The following SPRED1 variants were observed in gnomAD, a reference collection of about 807,000 sequenced individuals.
SPRED1 encodes sprouty related EVH1 domain containing 1, also known as sprouty-related, EVH1 domain-containing protein 1.
A neutral mutation model predicts 52.3 loss-of-function variants in SPRED1; 18 were observed. That is an observed-to-expected ratio of 0.34 (90% CI 0.24 to 0.51). The LOEUF (loss-of-function observed/expected upper bound fraction) is 0.51. SPRED1 is among the 20% of genes least tolerant of loss of function. The pLI, the probability that SPRED1 is intolerant of heterozygous loss-of-function variation, is 0.97. For synonymous variants in SPRED1, 155 were observed against 179.7 expected, an observed-to-expected ratio of 0.86 and a Z score of 1.10; for missense variants, 485 against 551.0, an observed-to-expected ratio of 0.88 and a Z score of 1.20.
At chr15:38,293,643 A>G (rs1894969929) in intron 1 of SPRED1, among the ~76,000 whole-genome samples, 2 of 152,126 alleles carry the variant, frequency 1.3e-5, no homozygotes, top group Admixed American at 1.3e-4. Flanking sequence ...ACAAATCAGA[A>G]CATTCTGCTT....
At chr15:38,289,600 G>A (rs932675012) in intron 1 of SPRED1, among the ~76,000 whole-genome samples, 57 of 152,120 alleles carry the variant, frequency 3.7e-4, no homozygotes, top group African/African-American at 1.4e-3. Flanking sequence ...AATCACATGA[G>A]CACTTCAGTG....
intron 2 of SPRED1, among the ~76,000 whole-genome samples, chr15:38,308,132 A>G (rs1804401854): frequency 6.6e-6 from 1 of 152,188 alleles, no homozygotes; most frequent in Non-Finnish European, 1.5e-5. Context: ...TCCCCAGACT[A>G]GAATTTGATA....
intron 1 of SPRED1, among the ~76,000 whole-genome samples, chr15:38,277,002 T>C (rs1894569590): frequency 1.3e-5 from 2 of 152,216 alleles, no homozygotes; most frequent in Non-Finnish European, 2.9e-5. Flanking sequence ...GCATTTCTTT[T>C]CTGGGTCATC....
In SPRED1 at chr15:38,290,014, T is replaced by C. The variant is rs543251410; in HGVS notation, c.33-9359T>C. Among the ~76,000 whole-genome samples the C allele has an allele frequency of 1.2e-3, 186 of 152,356 alleles. 3 individuals carry two copies. The South Asian group carries it at 0.036, about 30-fold the overall frequency. ...TCATGGTGTTTTTACCATGCAGGAATGTGTTTAATATAGTTGAATTTATCC... is the reference window on the plus strand; with the variant it reads ...TCATGGTGTTTTTACCATGCAGGAACGTGTTTAATATAGTTGAATTTATCC... On this transcript the variant is annotated intron_variant, in intron 1 of 6. Transcript: ENST00000299084.
At chr15:38,275,201 A>G (rs1436089520) in intron 1 of SPRED1, among the ~76,000 whole-genome samples, 2 of 152,198 alleles carry the variant, frequency 1.3e-5, no homozygotes, top group East Asian at 1.9e-4. Flanking sequence ...TTTAAGTATT[A>G]GTATCAATTA....
chr15:38,257,085 A>G (rs1894112847), intron 1 of SPRED1, among the ~76,000 whole-genome samples: 1 of 152,146 alleles, frequency 6.6e-6, no homozygotes, highest in South Asian at 2.1e-4. Context: ...CCATACCTAG[A>G]ATTCCTCTCC....
chr15:38,343,030 G>A (rs1382760854), intron 5 of SPRED1, among the ~76,000 whole-genome samples: 1 of 152,112 alleles, frequency 6.6e-6, no homozygotes, highest in Non-Finnish European at 1.5e-5. Context: ...AGTTAAGAAA[G>A]AGCGGTCACA....
chr15:38,342,096 G>T (rs1896043763), intron 5 of SPRED1, among the ~76,000 whole-genome samples: 1 of 140,554 alleles, frequency 7.1e-6, no homozygotes, highest in Admixed American at 7.4e-5. Context: ...TTTACTTTTA[G>T]CACAATTATT....
rs756643495 is a variant in SPRED1 at position 38,349,433 on chromosome 15, T to C, written c.594T>C (p.Gly198=). 15 of 1,611,542 alleles carry C rather than the reference T, an allele frequency of 9.3e-6. No individual in the cohort carries two copies. The African/African-American group carries it at 1.3e-4, about 14-fold the overall frequency. ...MQSQANQITF[G]QPGLDIQSRS... ...TGTTTGTATTTTAGATAACATTTGG[T>C]CAGCCAGGCTTGGACATTCAGAGCA... The change falls in exon 6 of 7, where the codon GGT becomes GGC. Residue 198 remains glycine, a synonymous_variant. Coordinates refer to ENST00000299084, the MANE Select transcript of SPRED1 (RefSeq NM_152594.3).
At chr15:38,344,349 G>A (rs533296378) in intron 5 of SPRED1, among the ~76,000 whole-genome samples, 1 of 152,108 alleles carries the variant, frequency 6.6e-6, no homozygotes, top group South Asian at 2.1e-4. Context: ...GAATTTATTT[G>A]GCCTACCTTC....
At chr15:38,344,498 G>A (rs922526006) in intron 5 of SPRED1, among the ~76,000 whole-genome samples, 4 of 152,272 alleles carry the variant, frequency 2.6e-5, no homozygotes, top group African/African-American at 9.6e-5. Context: ...AGTACAAAAA[G>A]TGCTGAATAA....
chr15:38,285,512 A>G (rs1468311155), intron 1 of SPRED1, among the ~76,000 whole-genome samples: 14 of 152,196 alleles, frequency 9.2e-5, no homozygotes, highest in African/African-American at 4.8e-5. Context: ...GGTGAGCACA[A>G]TAAGAGTAAA....
chr15:38,311,152 C>G (rs1026363957), intron 2 of SPRED1, among the ~76,000 whole-genome samples: 2 of 152,044 alleles, frequency 1.3e-5, no homozygotes, highest in Non-Finnish European at 2.9e-5. Flanking sequence ...TGTATCATGA[C>G]TAGATATTGG....
At chr15:38,349,313 T>C (rs1446367584) in intron 5 of SPRED1, 109 bp from the exon 6 acceptor site, 5 of 815,124 alleles carry the variant, frequency 6.1e-6, no homozygotes, top group Non-Finnish European at 1.0e-5. Context: ...AAAACCGTTT[T>C]TGAAAAACTT....
chr15:38,307,272 A>G (rs1053024641), intron 2 of SPRED1, among the ~76,000 whole-genome samples: 1 of 152,082 alleles, frequency 6.6e-6, no homozygotes, highest in Non-Finnish European at 1.5e-5. Flanking sequence ...GACTTCCTGT[A>G]TTAGTTTCCT....
chr15:38,356,024 A>G lies in SPRED1; in HGVS notation c.*4360A>G, dbSNP rs1186110993. On this transcript the variant is annotated 3_prime_UTR_variant, in exon 7 of 7. Transcript: ENST00000299084. ...TTTGGTACACTGATAAATGTTAGCCATTATTCCTGAAAGCTTCTTAAATTG... is the reference window on the plus strand; with the variant it reads ...TTTGGTACACTGATAAATGTTAGCCGTTATTCCTGAAAGCTTCTTAAATTG... The G allele has an allele frequency of 6.6e-6, 1 of 152,206 alleles. No individual in the cohort carries two copies. Among genetic ancestry groups the G allele is most frequent in the Non-Finnish European group, 1.5e-5 (1 of 68,012 alleles). The allele number at this position is 152,206 out of a possible 1,614,324, so 9.4% of individuals were successfully genotyped here.
At position 38,266,456 on chromosome 15, in the gene SPRED1, A is replaced by G. The variant is rs1274940282; in HGVS notation, c.32+13239A>G. Among the ~76,000 whole-genome samples, 11 of 152,246 alleles carry G rather than the reference A, an allele frequency of 7.2e-5. No homozygotes were observed. In the South Asian group the frequency reaches 2.3e-3, roughly 32 times the overall value. On this transcript the variant is annotated intron_variant, in intron 1 of 6. Transcript: ENST00000299084. ...GGAGTTGGAGACCAGCCTGGGCAAC[A>G]TGGCAAAACCCTTTCTCTACTAAAA...
In SPRED1 at chr15:38,252,911, C is replaced by T; in HGVS notation, c.-275C>T. On this transcript the variant is annotated 5_prime_UTR_variant, in exon 1 of 7. Transcript: ENST00000299084. The stretch of plus-strand genomic sequence containing the variant: ...CAGCCCCTCTCTTTTTCCCTTTCCA[C>T]CGGGCCTCCTCGGATCCCTTGGCTG... 1 of 561,440 alleles carries T rather than the reference C, an allele frequency of 1.8e-6. No individual in the cohort carries two copies. Among genetic ancestry groups the T allele is most frequent in the South Asian group, 2.0e-5 (1 of 49,572 alleles). The allele number at this position is 561,440 out of a possible 1,614,324, so 34.8% of individuals were successfully genotyped here. A position where few individuals can be genotyped will look rare whatever the true frequency, so the allele number is the denominator to read the frequency against.
chr15:38,314,037 C>T (rs116138603), intron 2 of SPRED1, among the ~76,000 whole-genome samples: 277 of 151,766 alleles, frequency 1.8e-3, no homozygotes, highest in African/African-American at 6.4e-3. Context: ...AGTTGTATTG[C>T]ATTATGTTTA....
Sources: gnomAD v4.1 joint callset for allele counts (sites outside exome capture counted in the v4.1 genomes callset) on GRCh38, gnomAD v4.1.1 for gene constraint, MANE v1.5 for transcripts, NCBI Gene and HGNC (gene_info 2026-07-23, HGNC 2026-07-21) for gene names.